WWC2: variants seen among roughly 807,000 people sequenced by gnomAD.
The protein encoded by WWC2 is protein WWC2.
WWC2 carries 101 observed loss-of-function variants against 138.5 expected under a neutral mutation model. The ratio of observed to expected loss-of-function variants is 0.73; its 90% confidence interval spans 0.62 to 0.86. The LOEUF (loss-of-function observed/expected upper bound fraction) is 0.86. WWC2 is among the 40% of genes least tolerant of loss of function. The pLI is 0.00. For synonymous variants in WWC2, 558 were observed against 538.4 expected (o/e 1.04, Z -0.50); for missense variants, 1,420 against 1,419.4 (o/e 1.00, Z -0.01).
At chr4:183,113,161 A>G (rs1215553109) in intron 1 of WWC2, among the ~76,000 whole-genome samples, 2 of 151,882 alleles carry the variant, frequency 1.3e-5, no homozygotes, top group Admixed American at 1.3e-4. Context: ...AATCTCAGCT[A>G]CTTGAGAGGT....
rs572577932 is a variant in WWC2 at position 183,099,631 on chromosome 4, C to T, written c.131+9C>T. The T allele has an allele frequency of 5.8e-5, 77 of 1,329,876 alleles. 2 individuals are homozygous for T. In the South Asian group the frequency reaches 1.3e-3, roughly 22 times the overall value. 82.4% of individuals were successfully genotyped at this position (1,329,876 alleles called of 1,614,324 possible). On this transcript the variant is annotated intron_variant, in intron 1 of 22. Coordinates refer to ENST00000403733, the MANE Select transcript of WWC2 (RefSeq NM_024949.6). ...ATCGACCCCCGGGACAGGTGGGCGC[C>T]GGCCGCGGGGGCGCGGGCCCGTTCG...
At chr4:183,265,541 A>G in intron 12 of WWC2, 147 bp from the exon 13 acceptor site, 1 of 831,278 alleles carries the variant, frequency 1.2e-6, no homozygotes, top group Non-Finnish European at 1.9e-6. Context: ...CTGAAACAGT[A>G]AGCTTTCGCT....
chr4:183,223,385 A>G (rs573976666), intron 4 of WWC2, among the ~76,000 whole-genome samples: 1 of 152,366 alleles, frequency 6.6e-6, no homozygotes, highest in East Asian at 1.9e-4. Flanking sequence ...AGAGAATAGT[A>G]TAATTTTCTC....
At chr4:183,220,775 A>G (rs1370546146) in intron 4 of WWC2, among the ~76,000 whole-genome samples, 4 of 151,926 alleles carry the variant, frequency 2.6e-5, no homozygotes, top group Non-Finnish European at 5.9e-5. Flanking sequence ...CGGAGCTTGC[A>G]GTGAGCCAAC....
chr4:183,278,049 G>A lies in WWC2; in HGVS notation c.2563-2727G>A, dbSNP rs980249396. On this transcript the variant is annotated intron_variant, in intron 16 of 22. Coordinates refer to ENST00000403733, the MANE Select transcript of WWC2 (RefSeq NM_024949.6). ...TTGGTGTTTTAGACATGGAGTCCTT[G>A]CCCATGCCTATGTCCTGAATGGTAA... 9.3e-4 allele frequency among the ~76,000 whole-genome samples: 141 copies of A among 152,122 alleles called. 2 individuals carry two copies. Among genetic ancestry groups the A allele is most frequent in the African/African-American group, 3.1e-3 (127 of 41,440 alleles).
At chr4:183,164,814 A>G (rs1174964032) in intron 1 of WWC2, among the ~76,000 whole-genome samples, 1 of 152,122 alleles carries the variant, frequency 6.6e-6, no homozygotes. Context: ...TCTGGGTACC[A>G]ATTCCATGTG....
intron 18 of WWC2, among the ~76,000 whole-genome samples, chr4:183,283,336 T>C (rs1170086480): frequency 1.3e-5 from 2 of 152,232 alleles, no homozygotes; most frequent in Non-Finnish European, 2.9e-5. Flanking sequence ...ACAGGTGACT[T>C]AGTTTAGGCA....
At chr4:183,103,408 A>T (rs1743243830) in intron 1 of WWC2, among the ~76,000 whole-genome samples, 2 of 140,688 alleles carry the variant, frequency 1.4e-5, no homozygotes, top group East Asian at 2.1e-4. Flanking sequence ...ATCTCGGCTT[A>T]CTGCGGCTCC....
chr4:183,167,278 C>G (rs1054178784), intron 1 of WWC2, among the ~76,000 whole-genome samples: 1 of 152,100 alleles, frequency 6.6e-6, no homozygotes, highest in Admixed American at 6.5e-5. Flanking sequence ...GAGAACCTAC[C>G]GTATGCTAGA....
At chr4:183,132,712 C>G (rs988038665) in intron 1 of WWC2, among the ~76,000 whole-genome samples, 1 of 152,052 alleles carries the variant, frequency 6.6e-6, no homozygotes, top group Non-Finnish European at 1.5e-5. Flanking sequence ...CTCAGCCTCC[C>G]AAAGTGCTGG....
chr4:183,160,779 G>A (rs1314309037), intron 1 of WWC2, among the ~76,000 whole-genome samples: 3 of 152,192 alleles, frequency 2.0e-5, no homozygotes, highest in Non-Finnish European at 4.4e-5. Flanking sequence ...TGAAGCTGTA[G>A]CACAGAGAAG....
Position 183,289,624 on chromosome 4 carries a change from G to T in WWC2, c.3373G>T (p.Ala1125Ser). The part of the protein sequence containing the change: ...DERFQRLLKQ[A>S]EKQAEQSKEE... Reference sequence around the variant, plus strand: ...GAGGTTCCAGAGGCTTCTGAAGCAAGCTGAGAAGCAGGTACGCAGCTCAGG... The same window carrying T: ...GAGGTTCCAGAGGCTTCTGAAGCAATCTGAGAAGCAGGTACGCAGCTCAGG... The change falls in exon 21 of 23, where the codon GCT (alanine) becomes TCT (serine). Residue 1125 changes from alanine (A) to serine (S), a missense_variant. Physicochemically the swap from Ala to Ser is moderately conservative, Grantham distance 99 (BLOSUM62 1). Coordinates refer to ENST00000403733, the MANE Select transcript of WWC2 (RefSeq NM_024949.6). 6.2e-7 allele frequency: 1 copy of T among 1,613,854 alleles called. No individual in the cohort carries two copies. The highest frequency in any genetic ancestry group is 2.2e-5 in the East Asian group (1 of 44,882).
At chr4:183,155,867 G>A (rs1357478865) in intron 1 of WWC2, among the ~76,000 whole-genome samples, 1 of 152,136 alleles carries the variant, frequency 6.6e-6, no homozygotes, top group African/African-American at 2.4e-5. Flanking sequence ...GTCTGTCAAG[G>A]TTGGTGGTTT....
intron 21 of WWC2, among the ~76,000 whole-genome samples, 197 bp from the exon 22 acceptor site, chr4:183,312,144 C>CA (rs1053111513): frequency 1.3e-5 from 2 of 152,210 alleles, no homozygotes; most frequent in African/African-American, 4.8e-5. Context: ...GAACTTACCC[C>CA]AAAATCAACA....
intron 21 of WWC2, among the ~76,000 whole-genome samples, chr4:183,295,275 A>G (rs1255425959): frequency 6.6e-6 from 1 of 152,252 alleles, no homozygotes; most frequent in Non-Finnish European, 1.5e-5. Context: ...TGTTCCATCC[A>G]ACCTTGGAGA....
intron 5 of WWC2, 41 bp from the exon 6 acceptor site, chr4:183,245,375 T>C: frequency 6.9e-7 from 1 of 1,457,998 alleles, no homozygotes; most frequent in South Asian, 1.5e-5. Context: ...TTATATGCTA[T>C]CATTCTTTGA....
Position 183,312,450 on chromosome 4 carries a change from G to A in WWC2, c.3494G>A (p.Arg1165Gln), listed in dbSNP as rs774843099. The A allele has an allele frequency of 1.2e-5, 19 of 1,613,668 alleles. No homozygotes were observed. The highest frequency in any genetic ancestry group is 7.7e-5 in the South Asian group (7 of 91,026). ...RLREQSQKVP[R>Q]QVQSFREKIA... ...CGGGAGCAGAGCCAGAAGGTGCCTC[G>A]GCAGGTGCAGTCCTTCAGGTGAATA... The change falls in exon 22 of 23, where the codon CGG becomes CAG. Residue 1165 changes from arginine to glutamine, a missense_variant. Arg to Gln is a conservative substitution (Grantham distance 43). Transcript: ENST00000403733.
At position 183,113,806 on chromosome 4, in the gene WWC2, A is replaced by G. The variant is rs187923535; in HGVS notation, c.131+14184A>G. Reference sequence around the variant, plus strand: ...TTTAGTGAGATAATCTGGATGAGAAACAATCAGAGCTTGCACTAGAATGAT... The same window carrying G: ...TTTAGTGAGATAATCTGGATGAGAAGCAATCAGAGCTTGCACTAGAATGAT... On this transcript the variant is annotated intron_variant, in intron 1 of 22. Transcript: ENST00000403733. 2.2e-3 allele frequency among the ~76,000 whole-genome samples: 331 copies of G among 151,866 alleles called. 1 individual carries two copies. The highest frequency in any genetic ancestry group is 3.8e-3 in the Non-Finnish European group (260 of 67,966).
chr4:183,152,538 A>G (rs1733668619), intron 1 of WWC2, among the ~76,000 whole-genome samples: 2 of 151,366 alleles, frequency 1.3e-5, no homozygotes, highest in South Asian at 2.1e-4. Flanking sequence ...CTTAAAAAAA[A>G]AAAAAAAACG....
Sources: allele counts gnomAD v4.1 joint callset (sites outside exome capture counted in the v4.1 genomes callset), GRCh38; gene constraint gnomAD v4.1.1; transcripts MANE v1.5; gene names NCBI Gene and HGNC (gene_info 2026-07-23, HGNC 2026-07-21).